Variants in ANKRD31 observed in about 807,000 individuals in gnomAD.
The protein encoded by ANKRD31 is ankyrin repeat domain 31.
A neutral mutation model predicts 186.0 loss-of-function variants in ANKRD31; 147 were observed. The observed-to-expected ratio is 0.79, with a 90% CI of 0.69 to 0.91. The LOEUF (loss-of-function observed/expected upper bound fraction) is 0.91. Among genes scored for constraint, ANKRD31 ranks in the 40% least tolerant of loss-of-function variants. ANKRD31 has a pLI of 0.00. For missense variants in ANKRD31, 1,986 were observed against 2,148.8 expected, an observed-to-expected ratio of 0.92 and a Z score of 1.50; for synonymous variants, 673 against 736.4, an observed-to-expected ratio of 0.91 and a Z score of 1.39.
intron 2 of ANKRD31, among the ~76,000 whole-genome samples, chr5:75,223,471 G>A (rs1024431474): frequency 6.6e-6 from 1 of 151,948 alleles, no homozygotes; most frequent in South Asian, 2.1e-4. Context: ...GTCCAAAAAA[G>A]CCACAGTTTT....
rs140992501 is a variant in ANKRD31 at position 75,161,375 on chromosome 5, G to C, written c.1708-7030C>G. ...GAGATTTGTGGAACTTTGAACTTGA[G>C]AGAGATTATTTAGGGTGTCTGGTGG... On this transcript the variant is annotated intron_variant, in intron 11 of 25. Coordinates refer to ENST00000506364, the MANE Select transcript of ANKRD31 (RefSeq NM_001372053.1). Among the ~76,000 whole-genome samples the C allele has an allele frequency of 5.3e-4, 80 of 152,312 alleles. 1 individual carries two copies. In the East Asian group the frequency reaches 0.014, roughly 28 times the overall value.
chr5:75,217,853 C>T (rs1164328112), intron 3 of ANKRD31, among the ~76,000 whole-genome samples: 3 of 152,138 alleles, frequency 2.0e-5, no homozygotes, highest in African/African-American at 7.2e-5. Flanking sequence ...TATACTGTCA[C>T]TGGTCTGTGT....
chr5:75,132,369 A>G (rs1015088977), intron 17 of ANKRD31, among the ~76,000 whole-genome samples: 2 of 152,220 alleles, frequency 1.3e-5, no homozygotes, highest in African/African-American at 4.8e-5. Context: ...TATGTGACGC[A>G]TGCACAAGCT....
At chr5:75,105,862 C>T (rs559712766) in intron 21 of ANKRD31, among the ~76,000 whole-genome samples, 19 of 152,160 alleles carry the variant, frequency 1.2e-4, no homozygotes, top group Non-Finnish European at 2.5e-4. Context: ...AACTGAATTT[C>T]TCAAGACCTT....
At chr5:75,212,574 A>C (rs1338302136) in intron 3 of ANKRD31, among the ~76,000 whole-genome samples, 1 of 152,174 alleles carries the variant, frequency 6.6e-6, no homozygotes, top group Admixed American at 6.5e-5. Context: ...TCAAGGCTGC[A>C]GTGAGCTGTG....
chr5:75,215,249 T>A (rs1312195487), intron 3 of ANKRD31, among the ~76,000 whole-genome samples: 1 of 152,208 alleles, frequency 6.6e-6, no homozygotes, highest in Non-Finnish European at 1.5e-5. Flanking sequence ...AGATGAGGCC[T>A]ACCCACATGA....
At chr5:75,116,757 G>T in intron 18 of ANKRD31, 76 bp from the exon 19 acceptor site, 1 of 727,060 alleles carries the variant, frequency 1.4e-6, no homozygotes, top group East Asian at 3.3e-5. Context: ...TAATGTGATG[G>T]GGATGAGAAG....
intron 10 of ANKRD31, among the ~76,000 whole-genome samples, chr5:75,179,862 A>C (rs1754142541): frequency 6.6e-6 from 1 of 152,152 alleles, no homozygotes; most frequent in Admixed American, 6.5e-5. Context: ...TATTCAACAT[A>C]CTTTTGGAAG....
At chr5:75,068,804 A>G in intron 25 of ANKRD31, 140 bp from the exon 26 acceptor site, 2 of 854,312 alleles carry the variant, frequency 2.3e-6, no homozygotes, top group Non-Finnish European at 3.3e-6. Context: ...CTTTTCCCTC[A>G]ACCTATTTTC....
At chr5:75,087,277 C>T (rs902547717) in intron 23 of ANKRD31, among the ~76,000 whole-genome samples, 12 of 151,848 alleles carry the variant, frequency 7.9e-5, no homozygotes, top group Non-Finnish European at 7.4e-5. Flanking sequence ...TTTGGGAGGC[C>T]GATGTGGGGG....
chr5:75,150,956 C>T (rs186767713), intron 12 of ANKRD31, among the ~76,000 whole-genome samples: 28 of 152,058 alleles, frequency 1.8e-4, no homozygotes, highest in African/African-American at 6.3e-4. Context: ...ACTTCTCATG[C>T]AATTTGGCTA....
intron 15 of ANKRD31, among the ~76,000 whole-genome samples, chr5:75,141,680 T>C (rs1751060270): frequency 6.6e-6 from 1 of 151,970 alleles, no homozygotes; most frequent in African/African-American, 2.4e-5. Context: ...TGGTGGCATG[T>C]AGTCCCAGTT....
intron 25 of ANKRD31, among the ~76,000 whole-genome samples, chr5:75,077,158 T>A (rs923212963): frequency 6.6e-6 from 1 of 152,148 alleles, no homozygotes; most frequent in African/African-American, 2.4e-5. Context: ...AACCTCAAAC[T>A]CCTGGGCTCA....
At chr5:75,145,106 G>A (rs1200817994) in intron 14 of ANKRD31, among the ~76,000 whole-genome samples, 1 of 152,182 alleles carries the variant, frequency 6.6e-6, no homozygotes, top group Non-Finnish European at 1.5e-5. Context: ...TAGAGAGGAT[G>A]TGGAGAAATA....
Position 75,206,248 on chromosome 5 carries a change from AATATATATATATATATATATATATAT to A in ANKRD31, c.403+137_403+162del, listed in dbSNP as rs70979318. Reference sequence around the variant, plus strand: ...AAAAAAAAAAAAAAAAAAAAAAAAAAATATATATATATATATATATATATATATATATATATATATATATATATATA... The same window carrying A: ...AAAAAAAAAAAAAAAAAAAAAAAAAAATATATATATATATATATATATATA... On this transcript the variant is annotated intron_variant, in intron 5 of 25. Transcript: ENST00000506364. 3.7e-3 allele frequency among the ~76,000 whole-genome samples: 37 copies of A among 10,082 alleles called. 2 individuals carry two copies. Among genetic ancestry groups the A allele is most frequent in the African/African-American group, 0.017 (29 of 1,664 alleles). 6.6% of individuals were successfully genotyped at this position (10,082 alleles called of 152,430 possible).
At chr5:75,068,736 T>C (rs1308397941) in intron 25 of ANKRD31, 72 bp from the exon 26 acceptor site, 9 of 1,397,368 alleles carry the variant, frequency 6.4e-6, no homozygotes, top group Non-Finnish European at 8.4e-6. Context: ...CTATTACAAA[T>C]CCTAGAATCC....
chr5:75,232,016 A>G (rs1757983773), intron 1 of ANKRD31, among the ~76,000 whole-genome samples: 1 of 152,100 alleles, frequency 6.6e-6, no homozygotes, highest in Non-Finnish European at 1.5e-5. Flanking sequence ...TAACTTTTCT[A>G]TTATAACACA....
intron 23 of ANKRD31, among the ~76,000 whole-genome samples, chr5:75,084,812 G>A (rs981608611): frequency 7.2e-5 from 11 of 152,182 alleles, no homozygotes; most frequent in African/African-American, 2.6e-4. Flanking sequence ...TAAAAGTAAT[G>A]GTACTTTTCA....
In ANKRD31 at chr5:75,107,449, C is replaced by T. The variant is rs941458405; in HGVS notation, c.4340+72G>A. The T allele has an allele frequency of 8.6e-6, 9 of 1,042,194 alleles. No homozygotes were observed. The African/African-American group carries it at 1.3e-4, about 15-fold the overall frequency. The allele number at this position is 1,042,194 out of a possible 1,614,324, so 64.6% of individuals were successfully genotyped here. A position where few individuals can be genotyped will look rare whatever the true frequency, so the allele number is the denominator to read the frequency against. On this transcript the variant is annotated intron_variant, in intron 21 of 25. Transcript: ENST00000506364. ...GTTTGTATTCTTAAGAAATTCTAGA[C>T]AACTATTGCAGCTAAAAATGGATAA...
Sources: gnomAD v4.1 joint callset for allele counts (sites outside exome capture counted in the v4.1 genomes callset) on GRCh38, gnomAD v4.1.1 for gene constraint, MANE v1.5 for transcripts, NCBI Gene and HGNC (gene_info 2026-07-23, HGNC 2026-07-21) for gene names.